Variants in ADAM20 observed in about 807,000 individuals in gnomAD.
ADAM20 encodes disintegrin and metalloproteinase domain-containing protein 20.
For missense variants in ADAM20, 871 were observed against 883.2 expected (o/e 0.99, Z 0.18); for synonymous variants, 305 against 310.2 (o/e 0.98, Z 0.18).
intron 1 of ADAM20, among the ~76,000 whole-genome samples, chr14:70,531,510 G>T (rs377600595): frequency 6.6e-6 from 1 of 152,048 alleles, no homozygotes; most frequent in Non-Finnish European, 1.5e-5. Context: ...CCTAGCCAGA[G>T]AAATTAGACA....
chr14:70,524,549 T>C lies in ADAM20; in HGVS notation c.209A>G (p.Gln70Arg). 6.2e-7 allele frequency: 1 copy of C among 1,613,994 alleles called. No individual in the cohort carries two copies. Among genetic ancestry groups the C allele is most frequent in the East Asian group, 2.2e-5 (1 of 44,880 alleles). ...WLSYSLRFGG[Q>R]RYIVHMRVNK... ...TACCCTCATGTGGACAATGTATCTCTGTCCCCCAAACCGCAGGCTATAGGA... is the reference window on the plus strand; with the variant it reads ...TACCCTCATGTGGACAATGTATCTCCGTCCCCCAAACCGCAGGCTATAGGA... The change falls in exon 2 of 2, where the codon CAG becomes CGG. Residue 70 changes from glutamine to arginine, a missense_variant. By Grantham distance (43) the Gln-to-Arg change is conservative. Transcript: ENST00000256389.
At chr14:70,559,761 G>C in the ADAM20 span, among the ~76,000 whole-genome samples, 1 of 152,142 alleles carries the variant, frequency 6.6e-6, no homozygotes, top group Non-Finnish European at 1.5e-5. Context: ...ACCCATCTCA[G>C]GGTCTTTATT....
chr14:70,579,085 CTT>C, the ADAM20 span, among the ~76,000 whole-genome samples: 1 of 152,070 alleles, frequency 6.6e-6, no homozygotes, highest in Admixed American at 6.6e-5. Context: ...CCAATCCACT[CTT>C]GATGGGCACC....
the ADAM20 span, among the ~76,000 whole-genome samples, chr14:70,568,983 G>A: frequency 7.9e-5 from 12 of 151,826 alleles, no homozygotes; most frequent in South Asian, 8.3e-4. Flanking sequence ...CAACACAACC[G>A]TTCCCAAGGT....
At chr14:70,553,713 T>C in the ADAM20 span, among the ~76,000 whole-genome samples, 14 of 151,220 alleles carry the variant, frequency 9.3e-5, no homozygotes, top group African/African-American at 3.2e-4. Context: ...CAACTGATGC[T>C]GAAAAGGCAT....
chr14:70,553,309 T>TAAA, the ADAM20 span, among the ~76,000 whole-genome samples: 393 of 17,086 alleles, frequency 0.023, 3 homozygotes, highest in Middle Eastern at 0.12. Flanking sequence ...TAGAGTATAA[T>TAAA]AAAAAAAAAA....
the ADAM20 span, among the ~76,000 whole-genome samples, chr14:70,559,487 T>A: frequency 6.6e-6 from 1 of 152,216 alleles, no homozygotes; most frequent in Non-Finnish European, 1.5e-5. Context: ...TCCATTCTTA[T>A]ACTCGACACT....
At chr14:70,543,762 C>T in the ADAM20 span, among the ~76,000 whole-genome samples, 1 of 152,158 alleles carries the variant, frequency 6.6e-6, no homozygotes, top group African/African-American at 2.4e-5. Flanking sequence ...CCTACAGTCA[C>T]TCTGAGACCA....
At chr14:70,547,695 A>T in the ADAM20 span, among the ~76,000 whole-genome samples, 1 of 13,710 alleles carries the variant, frequency 7.3e-5, no homozygotes, top group South Asian at 1.5e-3. Flanking sequence ...GCAGTCTGAG[A>T]TCAAACTGCA....
the ADAM20 span, among the ~76,000 whole-genome samples, chr14:70,567,183 G>C: frequency 6.6e-6 from 1 of 152,120 alleles, no homozygotes; most frequent in African/African-American, 2.4e-5. Context: ...TGAGATGACA[G>C]GTGCAATACT....
rs994461083 is a variant in ADAM20, at chr14:70,525,031, T to C, written c.-176-98A>G. 1.1e-5 allele frequency: 11 copies of C among 1,038,902 alleles called. No homozygotes were observed. The African/African-American group carries it at 1.8e-4, about 17-fold the overall frequency. 64.4% of individuals were successfully genotyped at this position (1,038,902 alleles called of 1,614,324 possible). A position where few individuals can be genotyped will look rare whatever the true frequency, so the allele number is the denominator to read the frequency against. ...TGCATTTGGACCATATTTGAAGCAA[T>C]AAAATGCATTAGGATTCTCTTAATA... On this transcript the variant is annotated intron_variant, in intron 1 of 1. Transcript: ENST00000256389.
chr14:70,555,631 CT>C, the ADAM20 span, among the ~76,000 whole-genome samples: 3 of 152,286 alleles, frequency 2.0e-5, no homozygotes, highest in South Asian at 2.1e-4. Flanking sequence ...GTTTTACCTT[CT>C]TTTTTTCACG....
chr14:70,548,689 G>T, the ADAM20 span, among the ~76,000 whole-genome samples: 4 of 125,298 alleles, frequency 3.2e-5, no homozygotes, highest in Admixed American at 3.4e-4. Context: ...TGGTGTACCT[G>T]AAAGTGATGG....
chr14:70,525,009 A>C (rs1883558682), intron 1 of ADAM20, 76 bp from the exon 2 acceptor site: 1 of 1,258,454 alleles, frequency 7.9e-7, no homozygotes, highest in Admixed American at 2.4e-5. Flanking sequence ...TGATTCCTGC[A>C]TTTGGACCAT....
chr14:70,524,334 C>G lies in ADAM20; in HGVS notation c.424G>C (p.Val142Leu), dbSNP rs1425358284. ...ACACTAATTGGCTTGATTTCATAAA[C>G]AAGGTCATTTATCTGTAGCATTCCA... ...FLGMLQINDL[V>L]YEIKPISVSA... The change falls in exon 2 of 2, where the codon GTT (valine) becomes CTT (leucine). Residue 142 changes from valine to leucine, a missense_variant. Physicochemically the swap from Val to Leu is conservative, Grantham distance 32. Transcript: ENST00000256389. 1.9e-6 allele frequency: 3 copies of G among 1,613,878 alleles called. No individual in the cohort carries two copies. The highest frequency in any genetic ancestry group is 2.5e-6 in the Non-Finnish European group (3 of 1,179,944).
chr14:70,555,132 T>C, the ADAM20 span, among the ~76,000 whole-genome samples: 2 of 152,206 alleles, frequency 1.3e-5, no homozygotes, highest in East Asian at 1.9e-4. Flanking sequence ...CGGACCCTAT[T>C]TACCTGCCTC....
the ADAM20 span, among the ~76,000 whole-genome samples, chr14:70,575,219 G>C: frequency 1.8e-4 from 28 of 151,530 alleles, no homozygotes; most frequent in African/African-American, 6.0e-4. Flanking sequence ...TTTTGAGGCA[G>C]AGTCTTGCTC....
intron 1 of ADAM20, among the ~76,000 whole-genome samples, chr14:70,528,763 T>C (rs1474408066): frequency 1.3e-5 from 2 of 152,268 alleles, no homozygotes; most frequent in South Asian, 2.1e-4. Flanking sequence ...AACAGGCTGA[T>C]AGATGGCCAC....
chr14:70,554,874 G>A, the ADAM20 span, among the ~76,000 whole-genome samples: 1 of 152,308 alleles, frequency 6.6e-6, no homozygotes, highest in East Asian at 1.9e-4. Context: ...GGAACGAAGG[G>A]ATTTATTGAA....
Sources: gnomAD v4.1 joint callset for allele counts (sites outside exome capture counted in the v4.1 genomes callset) on GRCh38, gnomAD v4.1.1 for gene constraint, MANE v1.5 for transcripts, NCBI Gene and HGNC (gene_info 2026-07-23, HGNC 2026-07-21) for gene names.